COL19A1: variants seen among roughly 807,000 people sequenced by gnomAD.
COL19A1 encodes the protein collagen type XIX alpha 1 chain.
In COL19A1, 159 loss-of-function variants were observed where a neutral mutation model predicts 190.2. The observed-to-expected ratio is 0.84, with a 90% CI of 0.73 to 0.95. COL19A1 has a LOEUF of 0.95. Ranked by LOEUF, COL19A1 falls within the 40% of genes least tolerant of loss-of-function variation. COL19A1 has a pLI of 0.00. For missense variants in COL19A1, 1,418 were observed against 1,431.9 expected (o/e 0.99, Z 0.16); for synonymous variants, 509 against 458.9 (o/e 1.11, Z -1.39).
rs377420368 is a variant in COL19A1, at chr6:69,921,411, CAT to C, written c.267-6493_267-6492del. 2.1e-3 allele frequency among the ~76,000 whole-genome samples: 170 copies of C among 82,088 alleles called. 5 individuals carry two copies. Among genetic ancestry groups the C allele is most frequent in the Non-Finnish European group, 2.7e-3 (121 of 45,306 alleles). 53.9% of individuals were successfully genotyped at this position (82,088 alleles called of 152,430 possible). A position where few individuals can be genotyped will look rare whatever the true frequency, so the allele number is the denominator to read the frequency against. ...CATATATATCATATATCATATATAT[CAT>C]ATATCATATATATCATATATATCAT... On this transcript the variant is annotated intron_variant, in intron 4 of 50. Coordinates refer to ENST00000620364, the MANE Select transcript of COL19A1 (RefSeq NM_001858.6).
At chr6:70,108,538 A>T (rs1361618226) in intron 16 of COL19A1, among the ~76,000 whole-genome samples, 2 of 152,204 alleles carry the variant, frequency 1.3e-5, no homozygotes, top group African/African-American at 4.8e-5. Context: ...TTTGAAGCTT[A>T]TAAATCCATA....
intron 12 of COL19A1, 49 bp downstream of exon 12, chr6:70,023,729 G>GAT (rs1484143435): frequency 3.3e-6 from 5 of 1,531,180 alleles, no homozygotes; most frequent in Non-Finnish European, 4.5e-6. Context: ...TTACCACTAA[G>GAT]ATATGCTATT....
At chr6:69,956,299 G>A (rs1774415065) in intron 9 of COL19A1, among the ~76,000 whole-genome samples, 1 of 151,830 alleles carries the variant, frequency 6.6e-6, no homozygotes, top group Non-Finnish European at 1.5e-5. Flanking sequence ...GCATTAATGT[G>A]ATTAAAATAT....
intron 1 of COL19A1, among the ~76,000 whole-genome samples, chr6:69,870,583 G>A (rs1767765882): frequency 6.6e-6 from 1 of 152,192 alleles, no homozygotes; most frequent in Non-Finnish European, 1.5e-5. Context: ...GAGGTAGCAG[G>A]ACAGGTGGTT....
intron 47 of COL19A1, among the ~76,000 whole-genome samples, chr6:70,189,389 A>T (rs1040468908): frequency 1.3e-5 from 2 of 152,032 alleles, no homozygotes; most frequent in African/African-American, 4.8e-5. Context: ...AGAGCTTCCA[A>T]CTCTCTCATC....
At chr6:69,880,968 G>A (rs1678148036) in intron 2 of COL19A1, among the ~76,000 whole-genome samples, 1 of 152,126 alleles carries the variant, frequency 6.6e-6, no homozygotes, top group South Asian at 2.1e-4. Flanking sequence ...ATGAATCTTT[G>A]GTTGAATAGG....
chr6:70,086,750 A>G (rs1268823753), intron 15 of COL19A1, among the ~76,000 whole-genome samples: 1 of 152,188 alleles, frequency 6.6e-6, no homozygotes, highest in African/African-American at 2.4e-5. Flanking sequence ...GCTCATCTCA[A>G]AGTATAGTAA....
chr6:69,968,778 G>A (rs1775260133), intron 11 of COL19A1, among the ~76,000 whole-genome samples: 1 of 152,092 alleles, frequency 6.6e-6, no homozygotes. Context: ...TATTGAGTGA[G>A]AAAAAGCCCA....
intron 11 of COL19A1, among the ~76,000 whole-genome samples, chr6:69,994,170 A>G (rs1776775503): frequency 6.6e-6 from 1 of 152,106 alleles, no homozygotes. Flanking sequence ...AGCAACTCAA[A>G]ATAATGTGGA....
intron 11 of COL19A1, among the ~76,000 whole-genome samples, chr6:69,975,925 C>A (rs1775689009): frequency 6.6e-6 from 1 of 151,728 alleles, no homozygotes. Context: ...TCCTAAGAAA[C>A]TTTATTAAAT....
At chr6:70,032,125 G>A (rs1048782824) in intron 12 of COL19A1, among the ~76,000 whole-genome samples, 36 of 152,112 alleles carry the variant, frequency 2.4e-4, no homozygotes, top group African/African-American at 8.4e-4. Flanking sequence ...TCAAGGGTAG[G>A]GTGATTCTTA....
intron 49 of COL19A1, among the ~76,000 whole-genome samples, chr6:70,204,826 T>C (rs908495591): frequency 4.6e-5 from 7 of 152,190 alleles, no homozygotes; most frequent in African/African-American, 1.7e-4. Flanking sequence ...AACTTTTCTG[T>C]AATAGTGGGA....
Position 70,092,196 on chromosome 6 carries a change from C to T in COL19A1, c.1225-9973C>T, listed in dbSNP as rs532289120. On this transcript the variant is annotated intron_variant, in intron 15 of 50. Coordinates refer to ENST00000620364, the MANE Select transcript of COL19A1 (RefSeq NM_001858.6). ...TTACCGCAGGTGCATCCAGGGAAAGCTGTCCCTGTTTGAGGACTTTTCAGG... is the reference window on the plus strand; with the variant it reads ...TTACCGCAGGTGCATCCAGGGAAAGTTGTCCCTGTTTGAGGACTTTTCAGG... 3.6e-4 allele frequency among the ~76,000 whole-genome samples: 55 copies of T among 152,194 alleles called. 1 individual carries two copies. In the South Asian group the frequency reaches 0.011, roughly 31 times the overall value.
intron 34 of COL19A1, among the ~76,000 whole-genome samples, chr6:70,158,812 CT>C (rs1488788347): frequency 6.6e-6 from 1 of 152,038 alleles, no homozygotes; most frequent in Non-Finnish European, 1.5e-5. Context: ...CTCCAAATAT[CT>C]CTGCAATAAA....
At chr6:69,964,496 A>C (rs1446628993) in intron 11 of COL19A1, among the ~76,000 whole-genome samples, 2 of 152,138 alleles carry the variant, frequency 1.3e-5, no homozygotes, top group African/African-American at 4.8e-5. Flanking sequence ...CTGTAATTTA[A>C]AGTCACCAAT....
At chr6:69,912,785 T>A (rs1771037870) in intron 4 of COL19A1, among the ~76,000 whole-genome samples, 2 of 152,278 alleles carry the variant, frequency 1.3e-5, no homozygotes, top group South Asian at 2.1e-4. Context: ...CCATCATTTG[T>A]GAGTCTCAAA....
chr6:69,998,593 C>T (rs981827920), intron 11 of COL19A1, among the ~76,000 whole-genome samples: 8 of 146,146 alleles, frequency 5.5e-5, no homozygotes, highest in African/African-American at 2.1e-4. Context: ...TGCAGTAAGC[C>T]GAGATCACTC....
chr6:70,020,346 A>T (rs1254750962), intron 11 of COL19A1, among the ~76,000 whole-genome samples: 6 of 151,934 alleles, frequency 3.9e-5, no homozygotes, highest in Non-Finnish European at 8.8e-5. Context: ...AGATATATAT[A>T]TTTTTCTCTT....
At chr6:69,914,750 A>ATGGTTT (rs1236841459) in intron 4 of COL19A1, among the ~76,000 whole-genome samples, 4 of 152,208 alleles carry the variant, frequency 2.6e-5, no homozygotes, top group Non-Finnish European at 5.9e-5. Context: ...AGCTGGTTGA[A>ATGGTTT]GAATTACCTC....
Sources: gnomAD v4.1 joint callset for allele counts (sites outside exome capture counted in the v4.1 genomes callset) on GRCh38, gnomAD v4.1.1 for gene constraint, MANE v1.5 for transcripts, NCBI Gene and HGNC (gene_info 2026-07-23, HGNC 2026-07-21) for gene names.